Variants in EIF2AK4 observed in about 807,000 individuals in gnomAD.
EIF2AK4 encodes the protein eukaryotic translation initiation factor 2 alpha kinase 4, also known as eIF-2-alpha kinase GCN2.
A neutral mutation model predicts 211.1 loss-of-function variants in EIF2AK4; 139 were observed. The ratio of observed to expected loss-of-function variants is 0.66; its 90% confidence interval spans 0.57 to 0.76. The LOEUF is 0.76. EIF2AK4 is among the 30% of genes least tolerant of loss of function. EIF2AK4 has a pLI of 0.00. For synonymous variants in EIF2AK4, 710 were observed against 751.3 expected (o/e 0.94, Z 0.90); for missense variants, 1,664 against 2,043.8 (o/e 0.81, Z 3.58).
At chr15:40,001,650 AAG>A (rs2035094201) in intron 21 of EIF2AK4, among the ~76,000 whole-genome samples, 1 of 151,534 alleles carries the variant, frequency 6.6e-6, no homozygotes, top group Non-Finnish European at 1.5e-5. Flanking sequence ...AAAAAAAAAA[AAG>A]AAACAGTGCA....
At chr15:39,981,296 G>C (rs1176717654) in intron 13 of EIF2AK4, among the ~76,000 whole-genome samples, 1 of 152,080 alleles carries the variant, frequency 6.6e-6, no homozygotes, top group African/African-American at 2.4e-5. Context: ...CTTGAACTCA[G>C]GAGGCAGAGG....
chr15:40,015,673 G>C (rs2035294541), intron 27 of EIF2AK4, among the ~76,000 whole-genome samples: 1 of 152,202 alleles, frequency 6.6e-6, no homozygotes, highest in Admixed American at 6.5e-5. Flanking sequence ...AAAAATTTAA[G>C]TGATTTATGA....
chr15:40,032,710 CA>C (rs767590299), intron 36 of EIF2AK4, 46 bp from the exon 37 acceptor site: 30 of 1,563,260 alleles, frequency 1.9e-5, no homozygotes, highest in Non-Finnish European at 2.6e-5. Flanking sequence ...GGTCACAAGG[CA>C]GTATTGTGCT....
chr15:39,973,306 G>T (rs991231562), intron 10 of EIF2AK4, among the ~76,000 whole-genome samples: 2 of 152,116 alleles, frequency 1.3e-5, no homozygotes, highest in African/African-American at 4.8e-5. Flanking sequence ...AAGGAACCTC[G>T]GTAGAGATTG....
chr15:40,034,435 T>C lies in EIF2AK4; in HGVS notation c.4883T>C (p.Val1628Ala), dbSNP rs1385756321. ...TGTGATGAAATTTATAACATCAAAG[T>C]AGAAAAAAAGTAAGTTATCACTTGG... Reference protein sequence around the residue: ...LVCDEIYNIKVEKKVSVLFLY... With the variant: ...LVCDEIYNIKAEKKVSVLFLY... Residue 1628 changes from valine (V) to alanine (A), a missense_variant, in exon 38 of 39, where the codon GTA becomes GCA. This residue lies in a region of EIF2AK4 where 138 missense variants were observed against 165.1 expected (regional missense o/e 0.84). Coordinates refer to ENST00000263791, the MANE Select transcript of EIF2AK4 (RefSeq NM_001013703.4). The C allele has an allele frequency of 6.2e-7, 1 of 1,612,946 alleles. No individual in the cohort carries two copies.
In EIF2AK4 at chr15:39,976,497, G is replaced by C; in HGVS notation, c.1902G>C (p.Lys634Asn). The part of the protein sequence containing the change: ...NPASRQFRRI[K>N]GEVTLLSRLH... Reference sequence around the variant, plus strand: ...CCAGCCGGCAGTTCCGCAGGATCAAGGGCGAAGTGACACTGCTGTCACGGC... The same window carrying C: ...CCAGCCGGCAGTTCCGCAGGATCAACGGCGAAGTGACACTGCTGTCACGGC... The change falls in exon 12 of 39, where the codon AAG becomes AAC. Residue 634 changes from lysine to asparagine, a missense_variant. This residue lies in a region of EIF2AK4 where 37 missense variants were observed against 84.0 expected (regional missense o/e 0.44). Transcript: ENST00000263791. The C allele has an allele frequency of 6.2e-7, 1 of 1,612,330 alleles. No homozygotes were observed.
intron 6 of EIF2AK4, among the ~76,000 whole-genome samples, chr15:39,957,076 T>C (rs2034401588): frequency 6.6e-6 from 1 of 152,238 alleles, no homozygotes; most frequent in African/African-American, 2.4e-5. Context: ...GGGCTTCTAA[T>C]AAGCAACAGA....
Position 39,976,791 on chromosome 15 carries a change from T to TGACGAGGAC in EIF2AK4, c.2202_2210dup (p.Glu734_Asp736dup), listed in dbSNP as rs2034702006. The TGACGAGGAC allele has an allele frequency of 6.4e-7, 1 of 1,568,242 alleles. No individual in the cohort carries two copies. Among genetic ancestry groups the TGACGAGGAC allele is most frequent in the African/African-American group, 1.4e-5 (1 of 72,274 alleles). On this transcript the variant is annotated inframe_insertion, in exon 12 of 39. Transcript: ENST00000263791. ...CCGCCACCGGCCCGGGCTCCAGCGA[T>TGACGAGGAC]GACGAGGACGACGACGAGGACGAGC...
chr15:40,001,205 A>G lies in EIF2AK4; in HGVS notation c.3140A>G (p.Tyr1047Cys), dbSNP rs773901236. The change falls in exon 21 of 39, where the codon TAT (tyrosine) becomes TGT (cysteine). Residue 1047 changes from tyrosine to cysteine, a missense_variant. Tyr to Cys is a radical substitution (Grantham distance 194, BLOSUM62 -2). Transcript: ENST00000263791. ...QRISPAIDYTYDSDILKGNFS... is the reference protein window; with the variant it reads ...QRISPAIDYTCDSDILKGNFS... ...ATCTCCCCTGCCATCGATTACACCT[A>G]TGACAGCGACATACTGAAGGTGGGC... 7 of 1,613,480 alleles carry G rather than the reference A, an allele frequency of 4.3e-6. No individual in the cohort carries two copies. The highest frequency in any genetic ancestry group is 5.9e-6 in the Non-Finnish European group (7 of 1,179,928).
In EIF2AK4 at chr15:39,953,884, G is replaced by A. The variant is rs749302421; in HGVS notation, c.514-20G>A. On this transcript the variant is annotated intron_variant, in intron 4 of 38. Coordinates refer to ENST00000263791, the MANE Select transcript of EIF2AK4 (RefSeq NM_001013703.4). ...TGGGTTTCAGAGATTGGCATTTGAT[G>A]ATGGTTTGATTTATTTCAGCAACGT... The A allele has an allele frequency of 1.9e-6, 3 of 1,608,616 alleles. No homozygotes were observed. Among genetic ancestry groups the A allele is most frequent in the Non-Finnish European group, 1.7e-6 (2 of 1,178,370 alleles).
intron 23 of EIF2AK4, among the ~76,000 whole-genome samples, chr15:40,005,415 T>C (rs2035146663): frequency 6.6e-6 from 1 of 151,736 alleles, no homozygotes; most frequent in African/African-American, 2.4e-5. Context: ...GAGAATCACT[T>C]GAACCCGGGA....
chr15:40,034,980 A>C (rs773453378), intron 38 of EIF2AK4, 47 bp from the exon 39 acceptor site: 1 of 1,460,470 alleles, frequency 6.8e-7, no homozygotes, highest in Non-Finnish European at 9.3e-7. Context: ...TCTGTTCTTC[A>C]CTCATTAAAC....
chr15:40,022,873 G>A lies in EIF2AK4; in HGVS notation c.4389+268G>A, dbSNP rs150932446. On this transcript the variant is annotated intron_variant, in intron 32 of 38. Coordinates refer to ENST00000263791, the MANE Select transcript of EIF2AK4 (RefSeq NM_001013703.4). ...CTCAGCCTCCCCGGTAGCTGGGACT[G>A]CAGGTGCCCGCCACCACGCTCGGCT... 2.3e-3 allele frequency among the ~76,000 whole-genome samples: 347 copies of A among 152,144 alleles called. 4 individuals carry two copies. Among genetic ancestry groups the A allele is most frequent in the Admixed American group, 0.017 (265 of 15,286 alleles).
At chr15:39,975,417 C>G (rs1220399102) in intron 11 of EIF2AK4, 4 of 152,186 alleles carry the variant, frequency 2.6e-5, no homozygotes, top group Non-Finnish European at 5.9e-5. Context: ...AACTTGTGAG[C>G]CAAACAAGAG....
At chr15:40,034,215 C>T in intron 37 of EIF2AK4, 111 bp from the exon 38 acceptor site, 1 of 794,528 alleles carries the variant, frequency 1.3e-6, no homozygotes, top group Non-Finnish European at 2.1e-6. Context: ...TACTGATTCT[C>T]CTGGTATACT....
intron 13 of EIF2AK4, among the ~76,000 whole-genome samples, chr15:39,985,554 T>C (rs2034852768): frequency 6.6e-6 from 1 of 152,148 alleles, no homozygotes; most frequent in Non-Finnish European, 1.5e-5. Context: ...AGAAGTTGAA[T>C]CCCTGAATAG....
At chr15:39,941,982 A>G (rs1052706752) in intron 2 of EIF2AK4, among the ~76,000 whole-genome samples, 1 of 152,262 alleles carries the variant, frequency 6.6e-6, no homozygotes, top group African/African-American at 2.4e-5. Context: ...AGCAAACATT[A>G]TAATATCAGC....
chr15:40,033,147 T>C (rs551735252), intron 37 of EIF2AK4, among the ~76,000 whole-genome samples: 77 of 152,342 alleles, frequency 5.1e-4, no homozygotes, highest in African/African-American at 1.8e-3. Context: ...CCCCAAAATG[T>C]AGATACTGTT....
intron 6 of EIF2AK4, 36 bp from the exon 7 acceptor site, chr15:39,961,748 G>T: frequency 6.6e-7 from 1 of 1,506,258 alleles, no homozygotes; most frequent in East Asian, 2.3e-5. Flanking sequence ...AATGAAAAAT[G>T]ATTGTTCAAA....
Sources: allele counts gnomAD v4.1 joint callset (sites outside exome capture counted in the v4.1 genomes callset), GRCh38; gene constraint gnomAD v4.1.1; regional missense constraint gnomAD v4.1.1; transcripts MANE v1.5; gene names NCBI Gene and HGNC (gene_info 2026-07-23, HGNC 2026-07-21).